PAK4: variants seen among roughly 807,000 people sequenced by gnomAD.
The protein encoded by PAK4 is serine/threonine-protein kinase PAK 4.
PAK4 carries 49 observed loss-of-function variants against 53.5 expected under a neutral mutation model. That is an observed-to-expected ratio of 0.92 (90% CI 0.73 to 1.16). The LOEUF (loss-of-function observed/expected upper bound fraction) is 1.16, where lower values mean the gene tolerates loss of function less well. Among genes scored for constraint, PAK4 ranks in the 50% most tolerant of loss-of-function variants. PAK4 has a pLI of 0.00. For missense variants in PAK4, 824 were observed against 850.7 expected, an observed-to-expected ratio of 0.97 and a Z score of 0.39; for synonymous variants, 376 against 375.6, an observed-to-expected ratio of 1.00 and a Z score of -0.01.
intron 1 of PAK4, among the ~76,000 whole-genome samples, chr19:39,167,794 G>C (rs1239978101): frequency 1.3e-5 from 2 of 152,234 alleles, no homozygotes; most frequent in African/African-American, 2.4e-5. Context: ...CAGGAAGGCA[G>C]CCTGAGCCGG....
chr19:39,162,441 T>C (rs958889746), intron 1 of PAK4, among the ~76,000 whole-genome samples: 1 of 152,150 alleles, frequency 6.6e-6, no homozygotes, highest in Non-Finnish European at 1.5e-5. Context: ...TTATTTTTTA[T>C]TTTTGGGGTA....
At chr19:39,136,531 A>G (rs12611365) in intron 1 of PAK4, 35,992 of 152,192 alleles carry the variant, frequency 0.24, 4,564 homozygotes, top group East Asian at 0.4. Context: ...CTTCCCGACC[A>G]TGGGTCCCCA....
chr19:39,137,901 T>C (rs951453042), intron 1 of PAK4, among the ~76,000 whole-genome samples: 9 of 152,038 alleles, frequency 5.9e-5, no homozygotes, highest in African/African-American at 2.2e-4. Context: ...CTCCTGACCT[T>C]GTGATCCGCC....
intron 1 of PAK4, among the ~76,000 whole-genome samples, chr19:39,136,944 G>T (rs2073826377): frequency 1.3e-5 from 2 of 152,218 alleles, no homozygotes; most frequent in South Asian, 4.1e-4. Flanking sequence ...CTCCCGGCGG[G>T]GGAGTGCAGG....
downstream of PAK4, chr19:39,179,842 G>C (rs1568536197): frequency 6.6e-6 from 1 of 152,256 alleles, no homozygotes; most frequent in African/African-American, 2.4e-5. Context: ...GAGACACCCT[G>C]TGAAGTGTGT....
At chr19:39,171,335 C>T (rs759460425) in intron 2 of PAK4, among the ~76,000 whole-genome samples, 9 of 151,996 alleles carry the variant, frequency 5.9e-5, no homozygotes, top group Non-Finnish European at 8.8e-5. Flanking sequence ...CAGCCTCCCG[C>T]GTAGCTGGGA....
At chr19:39,133,292 T>G (rs2073748327) in intron 1 of PAK4, among the ~76,000 whole-genome samples, 1 of 152,242 alleles carries the variant, frequency 6.6e-6, no homozygotes, top group Non-Finnish European at 1.5e-5. Context: ...CAAAGACTGT[T>G]AGCTGCGTTA....
At chr19:39,162,664 A>G (rs941304370) in intron 1 of PAK4, among the ~76,000 whole-genome samples, 3 of 152,122 alleles carry the variant, frequency 2.0e-5, no homozygotes, top group Admixed American at 2.0e-4. Context: ...CCGACTTAGT[A>G]GATGTTTTTC....
chr19:39,164,019 G>A (rs1254085407), intron 1 of PAK4, among the ~76,000 whole-genome samples: 1 of 152,218 alleles, frequency 6.6e-6, no homozygotes, highest in Non-Finnish European at 1.5e-5. Flanking sequence ...GCTCACGCCT[G>A]TAATCCCAAC....
chr19:39,167,633 A>G (rs944847925), intron 1 of PAK4, among the ~76,000 whole-genome samples: 10 of 152,110 alleles, frequency 6.6e-5, no homozygotes, highest in African/African-American at 2.4e-4. Flanking sequence ...GGCTCTGACC[A>G]CCCGCTGGCC....
Position 39,147,846 on chromosome 19 carries a change from T to TG in PAK4, c.-22-21686_-22-21685insG, listed in dbSNP as rs1301985090. On this transcript the variant is annotated intron_variant, in intron 1 of 8. Coordinates refer to ENST00000358301, the Ensembl canonical transcript of PAK4. ...ATTGGATTGTTTGTTTTCGGGTTTT[T>TG]TTTTTTTTTTTTTTTTTTTGCTGTT... 6.8e-5 allele frequency among the ~76,000 whole-genome samples: 10 copies of TG among 146,972 alleles called. No homozygotes were observed. The South Asian group carries it at 2.1e-3, about 32-fold the overall frequency.
Position 39,178,766 on chromosome 19 carries a change from AAC to A in PAK4, c.*191_*192del, listed in dbSNP as rs2074662780. ...GTTTTGATCTCGTGACTTTTAGAAA[AAC>A]ACAGGGACTCGTGGGAGCAAGCGAG... On this transcript the variant is annotated 3_prime_UTR_variant, in exon 9 of 9. Transcript: ENST00000358301. This position sits in a 1 kb window ranked among gnomAD's most constrained non-coding sequence, Gnocchi z 4.4. 1 of 524,736 alleles carries A rather than the reference AAC, an allele frequency of 1.9e-6. No individual in the cohort carries two copies. The highest frequency in any genetic ancestry group is 3.0e-5 in the South Asian group (1 of 32,854). 32.5% of individuals were successfully genotyped at this position (524,736 alleles called of 1,614,324 possible).
Position 39,148,466 on chromosome 19 carries a change from C to CTTT in PAK4, c.-22-21047_-22-21045dup, listed in dbSNP as rs74176491. Among the ~76,000 whole-genome samples the CTTT allele has an allele frequency of 8.3e-4, 47 of 56,796 alleles. 15 individuals are homozygous for CTTT. Among genetic ancestry groups the CTTT allele is most frequent in the African/African-American group, 2.6e-3 (34 of 13,080 alleles). 37.3% of individuals were successfully genotyped at this position (56,796 alleles called of 152,430 possible). A position where few individuals can be genotyped will look rare whatever the true frequency, so the allele number is the denominator to read the frequency against. On this transcript the variant is annotated intron_variant, in intron 1 of 8. Transcript: ENST00000358301. The stretch of plus-strand genomic sequence containing the variant: ...TTAGGTACCAAATAAGTTTCTTCTG[C>CTTT]TTTTTTTTTTTTTTTTTTTTTGAGA...
In PAK4 at chr19:39,173,462, G is replaced by C; in HGVS notation, c.663+86G>C. ...CCTTCCAGCCCCGCCCCACCACCGT[G>C]CATCTCATCCTGACCACCCATGTGT... On this transcript the variant is annotated intron_variant, in intron 3 of 8. Coordinates refer to ENST00000358301, the Ensembl canonical transcript of PAK4. This position sits in a 1 kb window ranked among gnomAD's most constrained non-coding sequence, Gnocchi z 6.9. 3.0e-6 allele frequency: 4 copies of C among 1,339,632 alleles called. No individual in the cohort carries two copies. Among genetic ancestry groups the C allele is most frequent in the Non-Finnish European group, 4.0e-6 (4 of 988,500 alleles). 83.0% of individuals were successfully genotyped at this position (1,339,632 alleles called of 1,614,324 possible). A position where few individuals can be genotyped will look rare whatever the true frequency, so the allele number is the denominator to read the frequency against.
At chr19:39,177,976 CTG>C (rs1332949581) in intron 8 of PAK4, among the ~76,000 whole-genome samples, 167 bp downstream of exon 9, 2 of 152,108 alleles carry the variant, frequency 1.3e-5, no homozygotes, top group African/African-American at 2.4e-5. Context: ...CAGACCCCCT[CTG>C]TGGGGCCTGG....
rs1190864179 is a variant in PAK4, at chr19:39,175,107, C to T, written c.1232+43C>T. Reference sequence around the variant, plus strand: ...GACCCCTCCTGTGACACGACCAAGTCCCCTCCAGACCACTAGGGGTGGGGC... The same window carrying T: ...GACCCCTCCTGTGACACGACCAAGTTCCCTCCAGACCACTAGGGGTGGGGC... On this transcript the variant is annotated intron_variant, in intron 5 of 8. Transcript: ENST00000358301. The surrounding 1 kb of genome is among the most constrained non-coding windows in gnomAD (Gnocchi z 4.7). 6.4e-6 allele frequency: 10 copies of T among 1,572,006 alleles called. No homozygotes were observed. Among genetic ancestry groups the T allele is most frequent in the South Asian group, 3.6e-5 (3 of 83,234 alleles).
In PAK4 at chr19:39,169,774, A is replaced by ACCCCCCCCCCCCCCCCCCCCCCCCCC; in HGVS notation, c.204+19_204+20insCCCCCCCCCCCCCCCCCCCCCCCCCC. ...GCCCCCAAGGTATGTGGCACCCACCACCACCTCCCCCAGCCCACCCCAACC... is the reference window on the plus strand; with the variant it reads ...GCCCCCAAGGTATGTGGCACCCACCACCCCCCCCCCCCCCCCCCCCCCCCCCCCACCTCCCCCAGCCCACCCCAACC... On this transcript the variant is annotated intron_variant, in intron 2 of 8. Coordinates refer to ENST00000358301, the Ensembl canonical transcript of PAK4. The ACCCCCCCCCCCCCCCCCCCCCCCCCC allele has an allele frequency of 6.7e-7, 1 of 1,481,720 alleles. No homozygotes were observed. Among genetic ancestry groups the ACCCCCCCCCCCCCCCCCCCCCCCCCC allele is most frequent in the East Asian group, 2.6e-5 (1 of 38,724 alleles). The allele number at this position is 1,481,720 out of a possible 1,614,324, so 91.8% of individuals were successfully genotyped here.
At chr19:39,147,399 G>A (rs11878648) in intron 1 of PAK4, among the ~76,000 whole-genome samples, 2,811 of 152,240 alleles carry the variant, frequency 0.018, 88 homozygotes, top group African/African-American at 0.064. Context: ...ACCATTTCCC[G>A]TTGGAGGACA....
At chr19:39,160,452 T>C (rs1176366989) in intron 1 of PAK4, among the ~76,000 whole-genome samples, 1 of 151,982 alleles carries the variant, frequency 6.6e-6, no homozygotes, top group African/African-American at 2.4e-5. Flanking sequence ...GGGTGGTAAG[T>C]GCCACAGAGA....
Sources: gnomAD v4.1 joint callset for allele counts (sites outside exome capture counted in the v4.1 genomes callset) on GRCh38, gnomAD v4.1.1 for gene constraint, Gnocchi (gnomAD v3.1) non-coding constraint, MANE v1.5 for transcripts, NCBI Gene and HGNC (gene_info 2026-07-23, HGNC 2026-07-21) for gene names.